Variants in CDH8 observed in about 807,000 individuals in gnomAD.
CDH8 encodes cadherin-8.
A neutral mutation model predicts 68.1 loss-of-function variants in CDH8; 17 were observed. That is an observed-to-expected ratio of 0.25 (90% CI 0.17 to 0.37). The LOEUF (loss-of-function observed/expected upper bound fraction) is 0.37. Among genes scored for constraint, CDH8 ranks in the 10% least tolerant of loss-of-function variants. CDH8 has a pLI of 1.00. For synonymous variants in CDH8, 372 were observed against 365.1 expected (o/e 1.02, Z -0.21); for missense variants, 763 against 999.3 (o/e 0.76, Z 3.19).
chr16:61,765,262 A>C (rs2142977050), intron 8 of CDH8, among the ~76,000 whole-genome samples: 1 of 152,170 alleles, frequency 6.6e-6, no homozygotes, highest in Admixed American at 6.6e-5. Flanking sequence ...AGAAAAAAAT[A>C]ATGAATGCAT....
intron 2 of CDH8, among the ~76,000 whole-genome samples, chr16:61,971,128 T>G (rs1450445571): frequency 6.6e-6 from 1 of 152,204 alleles, no homozygotes; most frequent in Admixed American, 6.5e-5. Context: ...CTTCACCGCC[T>G]ATCCCAAAAC....
intron 10 of CDH8, among the ~76,000 whole-genome samples, chr16:61,713,032 A>T (rs1456738618): frequency 6.6e-6 from 1 of 151,690 alleles, no homozygotes; most frequent in Non-Finnish European, 1.5e-5. Context: ...GCCAGAAAAA[A>T]GCCTGAGACA....
chr16:61,957,371 C>T (rs1965004367), intron 2 of CDH8, among the ~76,000 whole-genome samples: 2 of 152,106 alleles, frequency 1.3e-5, no homozygotes, highest in Non-Finnish European at 2.9e-5. Context: ...ATTTAAGAGC[C>T]ACAAGCAGCA....
intron 2 of CDH8, among the ~76,000 whole-genome samples, chr16:61,945,946 G>A (rs777538184): frequency 2.6e-5 from 4 of 152,192 alleles, no homozygotes; most frequent in Non-Finnish European, 4.4e-5. Flanking sequence ...GAAAAGAAAC[G>A]TGGCTGAATC....
At chr16:61,659,034 T>C (rs1430456704) in intron 10 of CDH8, among the ~76,000 whole-genome samples, 1 of 152,184 alleles carries the variant, frequency 6.6e-6, no homozygotes, top group Admixed American at 6.6e-5. Flanking sequence ...GCTGCTGGTA[T>C]ATAAAATTTA....
At chr16:61,782,150 G>C (rs1243405083) in intron 8 of CDH8, among the ~76,000 whole-genome samples, 1 of 152,192 alleles carries the variant, frequency 6.6e-6, no homozygotes, top group Admixed American at 6.5e-5. Flanking sequence ...CAGAAGACGG[G>C]TGATTTCTGC....
At chr16:61,978,492 T>C (rs1965477929) in intron 2 of CDH8, among the ~76,000 whole-genome samples, 2 of 152,222 alleles carry the variant, frequency 1.3e-5, no homozygotes, top group South Asian at 2.1e-4. Flanking sequence ...TCTCCTGAAA[T>C]TGAATAATTC....
intron 3 of CDH8, among the ~76,000 whole-genome samples, chr16:61,886,066 C>A (rs1963667116): frequency 6.6e-6 from 1 of 152,188 alleles, no homozygotes; most frequent in Non-Finnish European, 1.5e-5. Flanking sequence ...ATATCCCACC[C>A]TCTACCCTGG....
At position 61,825,166 on chromosome 16, in the gene CDH8, A is replaced by G. The variant is rs201463001; in HGVS notation, c.681T>C (p.Thr227=). 3 of 1,601,382 alleles carry G rather than the reference A, an allele frequency of 1.9e-6. No individual in the cohort carries two copies. Among genetic ancestry groups the G allele is most frequent in the Non-Finnish European group, 2.6e-6 (3 of 1,175,954 alleles). The change falls in exon 5 of 12, where the codon ACT becomes ACC. Residue 227 remains threonine, a synonymous_variant. Transcript: ENST00000577390. ...CTTCTCTGTCCATGTTGGGAAGGGC[A>G]GTTTTTATAATAGCTGAGGGGGAAA... The part of the protein sequence containing the change: ...SIEPETAIIK[T]ALPNMDREAK...
chr16:61,893,585 G>T (rs1049348157), intron 3 of CDH8, among the ~76,000 whole-genome samples: 15 of 152,000 alleles, frequency 9.9e-5, no homozygotes, highest in African/African-American at 2.7e-4. Context: ...CCAGATTTTT[G>T]TGTGTGTGTA....
chr16:61,956,368 G>C (rs1597088678), intron 2 of CDH8, among the ~76,000 whole-genome samples: 1 of 152,148 alleles, frequency 6.6e-6, no homozygotes, highest in African/African-American at 2.4e-5. Flanking sequence ...TTATCTTAAG[G>C]TAAACTCAAA....
chr16:61,904,107 C>T (rs1455613420), intron 2 of CDH8, among the ~76,000 whole-genome samples: 10 of 152,152 alleles, frequency 6.6e-5, no homozygotes, highest in African/African-American at 2.2e-4. Flanking sequence ...GTATCACACA[C>T]ACTGACACAC....
At chr16:61,699,607 C>T (rs1964385612) in intron 10 of CDH8, among the ~76,000 whole-genome samples, 1 of 152,014 alleles carries the variant, frequency 6.6e-6, no homozygotes, top group Non-Finnish European at 1.5e-5. Flanking sequence ...CAGGGTCTTG[C>T]CTTGTCACCC....
intron 8 of CDH8, among the ~76,000 whole-genome samples, chr16:61,734,792 G>A (rs1433463941): frequency 1.3e-5 from 2 of 152,004 alleles, no homozygotes; most frequent in Non-Finnish European, 2.9e-5. Context: ...AAAAAATTAT[G>A]ACTTTTTCTT....
At chr16:61,802,038 A>T (rs978054327) in intron 7 of CDH8, among the ~76,000 whole-genome samples, 8 of 144,608 alleles carry the variant, frequency 5.5e-5, no homozygotes, top group African/African-American at 1.9e-4. Flanking sequence ...AAGAGACAGC[A>T]GAAACCTCTG....
intron 7 of CDH8, among the ~76,000 whole-genome samples, chr16:61,798,118 C>T (rs1961539703): frequency 6.6e-6 from 1 of 152,028 alleles, no homozygotes; most frequent in Admixed American, 6.6e-5. Flanking sequence ...AAAATTTGAA[C>T]TTTTTTCCCC....
chr16:61,813,003 A>G (rs1469150361), intron 7 of CDH8, among the ~76,000 whole-genome samples: 1 of 152,218 alleles, frequency 6.6e-6, no homozygotes, highest in Non-Finnish European at 1.5e-5. Flanking sequence ...GGATTCATCA[A>G]ATAAAAATAA....
At position 61,727,157 on chromosome 16, in the gene CDH8, G is replaced by C; in HGVS notation, c.1473C>G (p.Asp491Glu). 1.2e-6 allele frequency: 2 copies of C among 1,610,322 alleles called. No individual in the cohort carries two copies. The highest frequency in any genetic ancestry group is 1.7e-6 in the Non-Finnish European group (2 of 1,177,494). The change falls in exon 9 of 12, where the codon GAC (aspartate) becomes GAG (glutamate). Residue 491 changes from aspartate to glutamate, a missense_variant. Asp to Glu is a conservative substitution (Grantham distance 45). This residue lies in a region of CDH8 where 397 missense variants were observed against 436.2 expected (regional missense o/e 0.91). Coordinates refer to ENST00000577390, the MANE Select transcript of CDH8 (RefSeq NM_001796.5). ...ATTCGGATGCGAATTCAGGGGCGTT[G>C]TCATTGACATCCAGCACTTTAATAG... ...PVAIKVLDVNDNAPEFASEYE... is the reference protein window; with the variant it reads ...PVAIKVLDVNENAPEFASEYE...
intron 8 of CDH8, among the ~76,000 whole-genome samples, chr16:61,760,586 T>C (rs1358714901): frequency 2.0e-5 from 3 of 152,124 alleles, no homozygotes; most frequent in Non-Finnish European, 4.4e-5. Flanking sequence ...GTGCTGGGAT[T>C]ACAGGCATGA....
Sources: allele counts gnomAD v4.1 joint callset (sites outside exome capture counted in the v4.1 genomes callset), GRCh38; gene constraint gnomAD v4.1.1; regional missense constraint gnomAD v4.1.1; transcripts MANE v1.5; gene names NCBI Gene and HGNC (gene_info 2026-07-23, HGNC 2026-07-21).